GRIP1: variants seen among roughly 807,000 people sequenced by gnomAD.
GRIP1 encodes the protein glutamate receptor interacting protein 1.
A neutral mutation model predicts 129.9 loss-of-function variants in GRIP1; 45 were observed. The ratio of observed to expected loss-of-function variants is 0.35; its 90% confidence interval spans 0.27 to 0.44. GRIP1 has a LOEUF of 0.44. Among genes scored for constraint, GRIP1 ranks in the 20% least tolerant of loss-of-function variants. The pLI, the probability that GRIP1 is intolerant of heterozygous loss-of-function variation, is 1.00. For synonymous variants in GRIP1, 530 were observed against 520.8 expected, an observed-to-expected ratio of 1.02 and a Z score of -0.24; for missense variants, 1,196 against 1,396.8, an observed-to-expected ratio of 0.86 and a Z score of 2.29.
At chr12:66,765,090 G>A (rs1179277137) in intron 1 of GRIP1, among the ~76,000 whole-genome samples, 1 of 152,112 alleles carries the variant, frequency 6.6e-6, no homozygotes, top group Non-Finnish European at 1.5e-5. Flanking sequence ...GAACTGAAAG[G>A]AGGTAGATTT....
chr12:66,932,811 G>A (rs1825204129), intron 1 of GRIP1, among the ~76,000 whole-genome samples: 1 of 152,064 alleles, frequency 6.6e-6, no homozygotes, highest in Admixed American at 6.6e-5. Context: ...TAGGACTGCA[G>A]GCGCCTGCCA....
At chr12:66,755,609 C>T (rs943854551) in intron 1 of GRIP1, among the ~76,000 whole-genome samples, 6 of 152,196 alleles carry the variant, frequency 3.9e-5, no homozygotes, top group African/African-American at 1.4e-4. Flanking sequence ...GCGTCACCTG[C>T]TCTGGGAGTG....
At chr12:66,962,819 G>T (rs1486031020) in intron 1 of GRIP1, among the ~76,000 whole-genome samples, 1 of 151,822 alleles carries the variant, frequency 6.6e-6, no homozygotes, top group East Asian at 1.9e-4. Context: ...GCAATACATA[G>T]GTATATTAAT....
Position 66,392,380 on chromosome 12 carries a change from T to C in GRIP1, c.2392A>G (p.Thr798Ala). 3.1e-6 allele frequency: 5 copies of C among 1,613,804 alleles called. No homozygotes were observed. The highest frequency in any genetic ancestry group is 4.2e-6 in the Non-Finnish European group (5 of 1,179,788). Residue 798 changes from threonine (T) to alanine (A), a missense_variant, in exon 19 of 25, where the codon ACG (threonine) becomes GCG (alanine). Thr to Ala is a moderately conservative substitution (Grantham distance 58). Coordinates refer to ENST00000359742, the MANE Select transcript of GRIP1 (RefSeq NM_001366722.1). ...PGKLSDMYPS[T>A]VPSVDSAVDS... ...ACAGCACTGTCCACACTGGGCACCG[T>C]GGAGGGGTACATGTCGGAGAGCTTG...
chr12:66,766,623 C>T (rs1446466604), intron 1 of GRIP1, among the ~76,000 whole-genome samples: 3 of 152,164 alleles, frequency 2.0e-5, no homozygotes, highest in African/African-American at 4.8e-5. Context: ...CAAACACACT[C>T]GGAAGAGCGC....
chr12:66,873,849 A>C (rs2040338033), intron 1 of GRIP1, among the ~76,000 whole-genome samples: 1 of 152,046 alleles, frequency 6.6e-6, no homozygotes, highest in Admixed American at 6.6e-5. Flanking sequence ...TGGTGTTGAT[A>C]ATGGCATAAT....
intron 13 of GRIP1, among the ~76,000 whole-genome samples, chr12:66,433,717 TAA>T (rs2058217642): frequency 6.6e-6 from 1 of 152,244 alleles, no homozygotes; most frequent in Admixed American, 6.5e-5. Flanking sequence ...CTATTCATGC[TAA>T]GTTGCTAATG....
At chr12:66,939,441 T>C (rs1362875770) in intron 1 of GRIP1, among the ~76,000 whole-genome samples, 2 of 152,160 alleles carry the variant, frequency 1.3e-5, no homozygotes, top group Non-Finnish European at 2.9e-5. Flanking sequence ...TGCCCTCAAA[T>C]TGTTCTCAAA....
chr12:66,827,490 G>A (rs553980368), intron 1 of GRIP1, among the ~76,000 whole-genome samples: 2 of 151,854 alleles, frequency 1.3e-5, no homozygotes, highest in East Asian at 3.9e-4. Flanking sequence ...CACATAATTA[G>A]GTAGATGTAA....
intron 11 of GRIP1, among the ~76,000 whole-genome samples, chr12:66,447,910 T>A (rs910707248): frequency 5.9e-5 from 9 of 152,226 alleles, no homozygotes; most frequent in African/African-American, 2.2e-4. Context: ...GACCATCCCT[T>A]GCTTTCTAAA....
intron 15 of GRIP1, among the ~76,000 whole-genome samples, chr12:66,406,813 T>C (rs1025593568): frequency 1.8e-4 from 27 of 152,148 alleles, no homozygotes; most frequent in African/African-American, 6.3e-4. Context: ...AGGAGAGCAT[T>C]AAGAGAATGA....
intron 1 of GRIP1, among the ~76,000 whole-genome samples, chr12:66,688,039 A>G (rs140602512): frequency 1.3e-5 from 2 of 152,322 alleles, no homozygotes; most frequent in East Asian, 3.9e-4. Flanking sequence ...ACCAAGACAG[A>G]GGAAAATAGA....
intron 14 of GRIP1, among the ~76,000 whole-genome samples, chr12:66,425,410 T>C (rs1416585217): frequency 6.6e-6 from 1 of 152,198 alleles, no homozygotes; most frequent in Non-Finnish European, 1.5e-5. Context: ...TAGAAGATAG[T>C]GTGGCAATTC....
intron 1 of GRIP1, among the ~76,000 whole-genome samples, chr12:67,044,848 A>C (rs2043230145): frequency 6.6e-6 from 1 of 152,236 alleles, no homozygotes. Flanking sequence ...GGAGAGACTG[A>C]AATAGCCAGC....
At chr12:66,739,191 A>ACTT (rs1289826170) in intron 1 of GRIP1, among the ~76,000 whole-genome samples, 1 of 152,212 alleles carries the variant, frequency 6.6e-6, no homozygotes, top group African/African-American at 2.4e-5. Context: ...CATTATGATT[A>ACTT]ACACCTACTG....
At chr12:66,588,269 G>A (rs898371607) in intron 2 of GRIP1, among the ~76,000 whole-genome samples, 2 of 152,070 alleles carry the variant, frequency 1.3e-5, no homozygotes, top group Admixed American at 6.6e-5. Context: ...AACACAACCC[G>A]AAGCCCTGGT....
intron 1 of GRIP1, among the ~76,000 whole-genome samples, chr12:67,036,772 C>T (rs1020825124): frequency 1.3e-5 from 2 of 152,148 alleles, no homozygotes; most frequent in African/African-American, 2.4e-5. Flanking sequence ...CCATCCATGG[C>T]TTCTACGACT....
At chr12:66,620,732 GCT>G (rs777833382) in intron 1 of GRIP1, among the ~76,000 whole-genome samples, 1 of 144,334 alleles carries the variant, frequency 6.9e-6, no homozygotes, top group African/African-American at 2.6e-5. Flanking sequence ...TCTCCCTCTC[GCT>G]CTCTTTCTCT....
chr12:66,404,374 T>C (rs548465114), intron 16 of GRIP1, among the ~76,000 whole-genome samples: 8 of 152,312 alleles, frequency 5.3e-5, no homozygotes, highest in South Asian at 2.1e-4. Context: ...AACTTCATTA[T>C]TGGTTGCAAT....
Sources: gnomAD v4.1 joint callset for allele counts (sites outside exome capture counted in the v4.1 genomes callset) on GRCh38, gnomAD v4.1.1 for gene constraint, MANE v1.5 for transcripts, NCBI Gene and HGNC (gene_info 2026-07-23, HGNC 2026-07-21) for gene names.